The following ELL variants were observed in gnomAD, a reference collection of about 807,000 sequenced individuals.
The protein encoded by ELL is RNA polymerase II elongation factor ELL.
ELL carries 18 observed loss-of-function variants against 64.0 expected under a neutral mutation model. That is an observed-to-expected ratio of 0.28 (90% CI 0.19 to 0.42). The LOEUF is 0.42. ELL is among the 10% of genes least tolerant of loss of function. ELL has a pLI of 1.00. For missense variants in ELL, 797 were observed against 870.4 expected (o/e 0.92, Z 1.06); for synonymous variants, 399 against 376.2 (o/e 1.06, Z -0.70).
chr19:18,445,192 T>C (rs1385580453), intron 11 of ELL, 32 bp downstream of exon 11: 2 of 1,613,648 alleles, frequency 1.2e-6, no homozygotes, highest in East Asian at 2.2e-5. Context: ...CATGGCTCAC[T>C]TGGAGCCCAC....
intron 1 of ELL, among the ~76,000 whole-genome samples, chr19:18,487,259 T>A (rs1975438322): frequency 6.6e-6 from 1 of 151,822 alleles, no homozygotes; most frequent in Non-Finnish European, 1.5e-5. Context: ...CCCCAGAGAG[T>A]AGGGTCACCC....
chr19:18,522,010 G>A lies in ELL; in HGVS notation c.46C>T (p.Arg16Trp). Residue 16 changes from arginine (R) to tryptophan (W), a missense_variant, in exon 1 of 12, where the codon CGG becomes TGG. Arg to Trp is a moderately radical substitution (Grantham distance 101). Transcript: ENST00000262809. ...GACACCTTGCTGCCGTCGCTAACCC[G>A]CCCGCACGACAGCCCGTAGCTCCTA... ...EDRSYGLSCG[R>W]VSDGSKVSVF... is the part of the protein sequence containing the mutation. 6.2e-7 allele frequency: 1 copy of A among 1,610,696 alleles called. No homozygotes were observed.
intron 1 of ELL, among the ~76,000 whole-genome samples, chr19:18,478,391 T>C (rs982678400): frequency 6.6e-6 from 1 of 152,114 alleles, no homozygotes; most frequent in South Asian, 2.1e-4. Flanking sequence ...GTACTGCCCA[T>C]CTCACACCCA....
chr19:18,451,903 C>T (rs997244169), intron 6 of ELL, among the ~76,000 whole-genome samples: 8 of 152,202 alleles, frequency 5.3e-5, no homozygotes, highest in African/African-American at 1.7e-4. Flanking sequence ...TGCCTGCTAC[C>T]GGAGAGACCA....
chr19:18,460,975 G>A (rs535735025), intron 5 of ELL, among the ~76,000 whole-genome samples: 8 of 152,144 alleles, frequency 5.3e-5, no homozygotes, highest in Admixed American at 6.5e-5. Context: ...CATGGGTGAG[G>A]GGGGTGGAAG....
At chr19:18,502,839 A>G (rs867123799) in intron 1 of ELL, among the ~76,000 whole-genome samples, 3 of 152,230 alleles carry the variant, frequency 2.0e-5, no homozygotes, top group Admixed American at 6.5e-5. Context: ...TGGGCCATCA[A>G]TGCGGAATCC....
chr19:18,456,412 G>A (rs1041527366), intron 6 of ELL, among the ~76,000 whole-genome samples: 1 of 152,244 alleles, frequency 6.6e-6, no homozygotes, highest in African/African-American at 2.4e-5. Context: ...GGCTCAGCAG[G>A]ACCATCGTCT....
chr19:18,481,968 G>A lies in ELL; in HGVS notation c.136-9086C>T, dbSNP rs182850686. Among the ~76,000 whole-genome samples, 525 of 152,254 alleles carry A rather than the reference G, an allele frequency of 3.4e-3. 3 individuals carry two copies. The highest frequency in any genetic ancestry group is 0.012 in the African/African-American group (490 of 41,526). On this transcript the variant is annotated intron_variant, in intron 1 of 11. Coordinates refer to ENST00000262809, the MANE Select transcript of ELL (RefSeq NM_006532.4). Reference sequence around the variant, plus strand: ...AGTTGCTGTACCATTTTGTACTGCCGCCGGCAGCGAATGAGAGTTCCTGTT... The same window carrying A: ...AGTTGCTGTACCATTTTGTACTGCCACCGGCAGCGAATGAGAGTTCCTGTT...
intron 1 of ELL, among the ~76,000 whole-genome samples, chr19:18,488,264 G>A (rs775685658): frequency 2.0e-5 from 3 of 152,206 alleles, no homozygotes; most frequent in African/African-American, 4.8e-5. Context: ...AAAGATGCCC[G>A]TCCTTCAGAG....
intron 1 of ELL, among the ~76,000 whole-genome samples, chr19:18,504,451 T>TGTACATCTCATCCCTGTCAC: frequency 6.6e-6 from 1 of 152,166 alleles, no homozygotes; most frequent in Non-Finnish European, 1.5e-5. Context: ...GAAATTGCCA[T>TGTACATCTCATCCCTGTCAC]GTACATCTCA....
chr19:18,455,655 G>A (rs1187162840), intron 6 of ELL, among the ~76,000 whole-genome samples: 1 of 151,970 alleles, frequency 6.6e-6, no homozygotes, highest in African/African-American at 2.4e-5. Context: ...AGACCAGTCT[G>A]GAGAACATGG....
At chr19:18,465,600 G>A (rs374489731) in intron 3 of ELL, 25 bp from the exon 4 acceptor site, 9 of 1,564,686 alleles carry the variant, frequency 5.8e-6, no homozygotes, top group East Asian at 2.3e-5. Flanking sequence ...CAGGAGCTGG[G>A]GTCAGCAGCT....
At position 18,446,832 on chromosome 19, in the gene ELL, T is replaced by C; in HGVS notation, c.1466-18A>G. ...GTTTAAACCTACGAGAGCAAACACA[T>C]ACCTCCTGAGTCTGCGCCCATGGCA... On this transcript the variant is annotated intron_variant, in intron 8 of 11. Coordinates refer to ENST00000262809, the MANE Select transcript of ELL (RefSeq NM_006532.4). The C allele has an allele frequency of 6.2e-7, 1 of 1,613,836 alleles. No homozygotes were observed.
chr19:18,465,179 G>A (rs1481082758), intron 4 of ELL, among the ~76,000 whole-genome samples: 1 of 152,208 alleles, frequency 6.6e-6, no homozygotes, highest in Admixed American at 6.5e-5. Context: ...CAAGCCAGCA[G>A]CTGCCATAAC....
intron 1 of ELL, among the ~76,000 whole-genome samples, chr19:18,513,703 G>A (rs908891103): frequency 1.2e-4 from 19 of 152,078 alleles, no homozygotes; most frequent in Non-Finnish European, 2.4e-4. Flanking sequence ...AGGCTGAGGC[G>A]GGCGGATCAC....
chr19:18,521,531 C>G (rs1314275311), intron 1 of ELL, among the ~76,000 whole-genome samples: 1 of 152,226 alleles, frequency 6.6e-6, no homozygotes, highest in Non-Finnish European at 1.5e-5. Context: ...CCAGCTTCCC[C>G]CTATCACGGT....
At chr19:18,497,442 G>A (rs1975679709) in intron 1 of ELL, among the ~76,000 whole-genome samples, 1 of 152,152 alleles carries the variant, frequency 6.6e-6, no homozygotes, top group Non-Finnish European at 1.5e-5. Context: ...CTACCATGGT[G>A]GACATGTCAT....
chr19:18,459,156 C>T (rs558122037), intron 5 of ELL, among the ~76,000 whole-genome samples: 20 of 152,326 alleles, frequency 1.3e-4, no homozygotes, highest in African/African-American at 4.1e-4. Flanking sequence ...TGGAAACAGG[C>T]GTGAGCCACC....
intron 1 of ELL, among the ~76,000 whole-genome samples, chr19:18,494,579 C>T (rs980552751): frequency 2.6e-5 from 4 of 152,094 alleles, no homozygotes; most frequent in Non-Finnish European, 5.9e-5. Context: ...TTAGTAGAGA[C>T]AGGGTTTTGC....
Sources: allele counts gnomAD v4.1 joint callset (sites outside exome capture counted in the v4.1 genomes callset), GRCh38; gene constraint gnomAD v4.1.1; transcripts MANE v1.5; gene names NCBI Gene and HGNC (gene_info 2026-07-23, HGNC 2026-07-21).